Variants in DSTN observed in about 807,000 individuals in gnomAD.
DSTN encodes the protein destrin, actin depolymerizing factor.
In DSTN, 10 loss-of-function variants were observed where a neutral mutation model predicts 16.8. The ratio of observed to expected loss-of-function variants is 0.60; its 90% confidence interval spans 0.37 to 1.01. DSTN has a LOEUF of 1.01. DSTN is among the 50% of genes least tolerant of loss of function. DSTN has a pLI of 0.01. For synonymous variants in DSTN, 57 were observed against 58.9 expected (o/e 0.97, Z 0.14); for missense variants, 141 against 196.7 (o/e 0.72, Z 1.69).
intron 1 of DSTN, among the ~76,000 whole-genome samples, chr20:17,598,439 G>C (rs1048507715): frequency 2.0e-5 from 3 of 152,136 alleles, no homozygotes; most frequent in African/African-American, 7.2e-5. Flanking sequence ...TTATGGTTTT[G>C]ATTTGCTTTT....
rs1487661566 is a variant in DSTN, at chr20:17,607,048, G to GA, written c.402dup (p.Cys135MetfsTer16). 6.2e-7 allele frequency: 1 copy of GA among 1,613,868 alleles called. No homozygotes were observed. The highest frequency in any genetic ancestry group is 8.5e-7 in the Non-Finnish European group (1 of 1,179,960). ...TTTTTTCTCTCTAGGCATAAAACAT[G>GA]AATGTCAAGCAAATGGACCAGAAGA... On this transcript the variant is annotated frameshift_variant, in exon 4 of 4. Transcript: ENST00000246069. LOFTEE classifies it high-confidence loss of function.
intron 1 of DSTN, among the ~76,000 whole-genome samples, chr20:17,591,436 C>T (rs1282377169): frequency 6.6e-6 from 1 of 151,482 alleles, no homozygotes; most frequent in Non-Finnish European, 1.5e-5. Flanking sequence ...CCGTGGCACA[C>T]ACAAAAAATG....
chr20:17,604,481 A>G, intron 2 of DSTN, 74 bp from the exon 3 acceptor site: 1 of 1,442,780 alleles, frequency 6.9e-7, no homozygotes, highest in Admixed American at 2.0e-5. Flanking sequence ...TGTTTACACA[A>G]GCAAATGTTT....
At chr20:17,585,611 CTGGAAGTTT>C (rs1174887890) in intron 1 of DSTN, among the ~76,000 whole-genome samples, 1 of 152,058 alleles carries the variant, frequency 6.6e-6, no homozygotes, top group Non-Finnish European at 1.5e-5. Flanking sequence ...GCTGTAAGTT[CTGGAAGTTT>C]TGACACATAT....
intron 1 of DSTN, chr20:17,576,317 T>C (rs529711861): frequency 1.4e-4 from 21 of 153,836 alleles, no homozygotes; most frequent in African/African-American, 4.3e-4. Context: ...CAGCTGCTCA[T>C]ATAACCTTGA....
intron 1 of DSTN, among the ~76,000 whole-genome samples, chr20:17,593,345 A>T (rs1171317338): frequency 2.6e-5 from 4 of 152,198 alleles, no homozygotes; most frequent in African/African-American, 9.7e-5. Flanking sequence ...CATAAGTCAA[A>T]CTAATGATTC....
At chr20:17,575,406 C>G (rs548254535) in intron 1 of DSTN, among the ~76,000 whole-genome samples, 1 of 151,998 alleles carries the variant, frequency 6.6e-6, no homozygotes, top group African/African-American at 2.4e-5. Flanking sequence ...CTTTGTTGTA[C>G]TGTCATTTGC....
rs974943857 is a variant in DSTN at position 17,572,025 on chromosome 20, G to C, written c.3+1814G>C. The stretch of plus-strand genomic sequence containing the variant: ...GCCTTATGAGCGCAGGAGCATCTTT[G>C]TTTAGTTCAGTGATTAGAGAATATT... On this transcript the variant is annotated intron_variant, in intron 1 of 3. Coordinates refer to ENST00000246069, the MANE Select transcript of DSTN (RefSeq NM_006870.4). 5.9e-5 allele frequency among the ~76,000 whole-genome samples: 9 copies of C among 152,294 alleles called. No individual in the cohort carries two copies. In the East Asian group the frequency reaches 1.7e-3, roughly 29 times the overall value.
At chr20:17,592,488 G>A (rs531692929) in intron 1 of DSTN, among the ~76,000 whole-genome samples, 2 of 151,144 alleles carry the variant, frequency 1.3e-5, no homozygotes, top group African/African-American at 4.9e-5. Context: ...CTTTTATCTC[G>A]GTTTTAATAT....
rs1276062159 is a variant in DSTN at position 17,609,238 on chromosome 20, CT to C, written c.*2095del. 1 of 152,204 alleles carries C rather than the reference CT, an allele frequency of 6.6e-6. No homozygotes were observed. Among genetic ancestry groups the C allele is most frequent in the Non-Finnish European group, 1.5e-5 (1 of 68,056 alleles). 9.4% of individuals were successfully genotyped at this position (152,204 alleles called of 1,614,324 possible). A position where few individuals can be genotyped will look rare whatever the true frequency, so the allele number is the denominator to read the frequency against. On this transcript the variant is annotated 3_prime_UTR_variant, in exon 4 of 4. Transcript: ENST00000246069. ...TTGTTTTTTGAGACAGGGTCTCACT[CT>C]TTCCCCCAGGCTAGAGTGCAGTGGT... is the stretch of plus-strand genomic sequence containing the variant.
intron 1 of DSTN, among the ~76,000 whole-genome samples, chr20:17,583,268 G>GAA (rs2122174880): frequency 6.6e-6 from 1 of 152,270 alleles, no homozygotes; most frequent in African/African-American, 2.4e-5. Context: ...AGTAATTTTG[G>GAA]AAAATAGTTT....
chr20:17,607,625 T>A lies in DSTN; in HGVS notation c.*479T>A, dbSNP rs994912961. The stretch of plus-strand genomic sequence containing the variant: ...AACACTAATACACTAATAGTAAGAT[T>A]AAGTTAGGCAGTCTTCTACCAAATG... On this transcript the variant is annotated 3_prime_UTR_variant, in exon 4 of 4. Transcript: ENST00000246069. 8 of 152,554 alleles carry A rather than the reference T, an allele frequency of 5.2e-5. No homozygotes were observed. Among genetic ancestry groups the A allele is most frequent in the African/African-American group, 1.9e-4 (8 of 41,462 alleles). The allele number at this position is 152,554 out of a possible 1,614,324, so 9.5% of individuals were successfully genotyped here.
intron 1 of DSTN, among the ~76,000 whole-genome samples, chr20:17,600,337 T>C (rs982090555): frequency 6.6e-6 from 1 of 152,236 alleles, no homozygotes; most frequent in African/African-American, 2.4e-5. Context: ...CTAGCAGCTA[T>C]GACCAGCTAC....
chr20:17,604,727 C>A, intron 3 of DSTN, 96 bp downstream of exon 3: 1 of 1,130,614 alleles, frequency 8.8e-7, no homozygotes, highest in South Asian at 1.5e-5. Context: ...TTTTGCAGAG[C>A]TTCGGGCACA....
chr20:17,594,351 C>T (rs374539250), intron 1 of DSTN, among the ~76,000 whole-genome samples: 22 of 151,932 alleles, frequency 1.4e-4, no homozygotes, highest in East Asian at 9.7e-4. Context: ...GCAGCCTTCT[C>T]CTATCATGAA....
chr20:17,579,929 T>C (rs945846933), intron 1 of DSTN, among the ~76,000 whole-genome samples: 2 of 152,240 alleles, frequency 1.3e-5, no homozygotes, highest in Non-Finnish European at 2.9e-5. Flanking sequence ...TTCTTTCTTA[T>C]ATCTGTTATC....
intron 1 of DSTN, chr20:17,596,795 G>T: frequency 1.0e-6 from 1 of 985,440 alleles, no homozygotes; most frequent in Non-Finnish European, 1.2e-6. Flanking sequence ...GAGCTTGTAA[G>T]TTACAGCCAG....
In DSTN at chr20:17,604,632, G is replaced by T; in HGVS notation, c.388+1G>T. The T allele has an allele frequency of 6.2e-7, 1 of 1,612,516 alleles. No individual in the cohort carries two copies. Among genetic ancestry groups the T allele is most frequent in the Non-Finnish European group, 8.5e-7 (1 of 1,179,552 alleles). ...GATGCAATTAAAAAGAAATTTCAAG[G>T]TATGTTCTAGATGACCTCTGAATAT... On this transcript the variant is annotated splice_donor_variant, in intron 3 of 3. Coordinates refer to ENST00000246069, the MANE Select transcript of DSTN (RefSeq NM_006870.4). LOFTEE classifies it high-confidence loss of function.
intron 2 of DSTN, among the ~76,000 whole-genome samples, chr20:17,601,505 A>G (rs2035587268): frequency 6.6e-6 from 1 of 152,160 alleles, no homozygotes; most frequent in Admixed American, 6.5e-5. Flanking sequence ...AATTTGCTCT[A>G]CAGTTGCACT....
Sources: allele counts gnomAD v4.1 joint callset (sites outside exome capture counted in the v4.1 genomes callset), GRCh38; gene constraint gnomAD v4.1.1; transcripts MANE v1.5; gene names NCBI Gene and HGNC (gene_info 2026-07-23, HGNC 2026-07-21).